The following ACOT1 variants were observed in gnomAD, a reference collection of about 807,000 sequenced individuals.
ACOT1 encodes acyl-coenzyme A thioesterase 1.
In ACOT1, 8 loss-of-function variants were observed where a neutral mutation model predicts 15.7. That is an observed-to-expected ratio of 0.51 (90% confidence interval 0.30 to 0.92). The LOEUF is 0.92. Ranked by LOEUF, ACOT1 falls within the 40% of genes least tolerant of loss-of-function variation. The probability of loss-of-function intolerance (pLI) is 0.06; values close to 1 mark genes in which losing one functional copy is unlikely to be tolerated. For missense variants in ACOT1, 151 were observed against 539.4 expected (o/e 0.28, Z 7.13); for synonymous variants, 67 against 241.2 (o/e 0.28, Z 6.69).
Position 73,543,267 on chromosome 14 carries a change from T to G in ACOT1, c.878T>G (p.Val293Gly), listed in dbSNP as rs1235780006. 1 of 1,590,354 alleles carries G rather than the reference T, an allele frequency of 6.3e-7. No individual in the cohort carries two copies. The highest frequency in any genetic ancestry group is 8.6e-7 in the Non-Finnish European group (1 of 1,167,524). Reference sequence around the variant, plus strand: ...ACCAAAGATGGCTATGCAGACATTGTGGATGTCCTGAACAGCCCTTTGGAA... The same window carrying G: ...ACCAAAGATGGCTATGCAGACATTGGGGATGTCCTGAACAGCCCTTTGGAA... ...KVTKDGYADI[V>G]DVLNSPLEGP... The change falls in exon 3 of 3, where the codon GTG becomes GGG. Residue 293 changes from valine (V) to glycine (G), a missense_variant. By Grantham distance (109) the Val-to-Gly change is moderately radical. Coordinates refer to ENST00000311148, the MANE Select transcript of ACOT1 (RefSeq NM_001037161.2).
At chr14:73,511,509 ACT>A in the ACOT1 span, among the ~76,000 whole-genome samples, 2 of 150,214 alleles carry the variant, frequency 1.3e-5, no homozygotes. Flanking sequence ...ACAGAGCAAG[ACT>A]CTGTCTCAAA....
intron 2 of ACOT1, among the ~76,000 whole-genome samples, chr14:73,542,798 TA>T (rs1347037248): frequency 3.6e-5 from 4 of 111,850 alleles, no homozygotes; most frequent in African/African-American, 9.1e-5. Context: ...TCATGGGAGA[TA>T]ATGAGATTAA....
At chr14:73,519,135 A>G in the ACOT1 span, 1 of 1,613,666 alleles carries the variant, frequency 6.2e-7, no homozygotes, top group African/African-American at 1.3e-5. Context: ...CTCTCTTTGC[A>G]CCAATCTGGT....
At chr14:73,497,213 G>C in the ACOT1 span, among the ~76,000 whole-genome samples, 3 of 151,496 alleles carry the variant, frequency 2.0e-5, no homozygotes, top group African/African-American at 7.3e-5. Context: ...TCTAATTTTT[G>C]TATTTTTAGT....
chr14:73,535,243 TA>T (rs1182597145), upstream of ACOT1, among the ~76,000 whole-genome samples: 17 of 114,234 alleles, frequency 1.5e-4, 4 homozygotes, highest in African/African-American at 4.3e-4. Flanking sequence ...AACAAATTCC[TA>T]GACGTGGAAC....
the ACOT1 span, among the ~76,000 whole-genome samples, chr14:73,523,376 C>T: frequency 6.6e-6 from 1 of 152,172 alleles, no homozygotes; most frequent in African/African-American, 2.4e-5. Context: ...GAAAATGGTG[C>T]AACATCCTAA....
the ACOT1 span, among the ~76,000 whole-genome samples, chr14:73,495,008 A>G: frequency 6.8e-6 from 1 of 146,348 alleles, no homozygotes; most frequent in Non-Finnish European, 1.5e-5. Context: ...AAATAGAGAT[A>G]ACTTTTTTTT....
the ACOT1 span, among the ~76,000 whole-genome samples, chr14:73,513,728 CAAAAAAAAAAAAA>C: frequency 0.024 from 1,128 of 46,826 alleles, 34 homozygotes; most frequent in African/African-American, 0.079. Context: ...ACTACGTCTC[CAAAAAAAAAAAAA>C]AAAAAAAAAA....
At chr14:73,493,327 A>G in the ACOT1 span, 1 of 544,842 alleles carries the variant, frequency 1.8e-6, no homozygotes, top group East Asian at 3.0e-5. Flanking sequence ...GGTCGGGGTC[A>G]GTATCCTGTT....
At chr14:73,492,288 A>G in the ACOT1 span, 3 of 1,614,032 alleles carry the variant, frequency 1.9e-6, no homozygotes, top group Non-Finnish European at 2.5e-6. The surrounding 1 kb of genome is among the most constrained non-coding windows in gnomAD (Gnocchi z 4.9). Context: ...TCCACGTACC[A>G]GCGCAATACC....
At position 73,543,056 on chromosome 14, in the gene ACOT1, G is replaced by A. The variant is rs1306292728; in HGVS notation, c.667G>A (p.Gly223Ser). The change falls in exon 3 of 3, where the codon GGT (glycine) becomes AGT (serine). Residue 223 changes from glycine to serine, a missense_variant. By Grantham distance (56) the Gly-to-Ser change is moderately conservative. Transcript: ENST00000311148. ...TCCTTTGTCCCTTTCTCAGGTAAAA[G>A]GTCCAGGAGTTGGGCTGCTTGGAAT... ...NYLLSHPEVK[G>S]PGVGLLGISK... The A allele has an allele frequency of 6.8e-7, 1 of 1,475,700 alleles. No homozygotes were observed. The highest frequency in any genetic ancestry group is 9.3e-7 in the Non-Finnish European group (1 of 1,079,120). The allele number at this position is 1,475,700 out of a possible 1,614,324, so 91.4% of individuals were successfully genotyped here.
At chr14:73,519,045 A>C in the ACOT1 span, 1 of 1,613,380 alleles carries the variant, frequency 6.2e-7, no homozygotes, top group Admixed American at 1.7e-5. Context: ...TTGCCTGGGC[A>C]CTCCACTTTT....
chr14:73,536,502 A>G (rs1404969236), upstream of ACOT1, among the ~76,000 whole-genome samples: 1 of 86,008 alleles, frequency 1.2e-5, no homozygotes, highest in African/African-American at 3.9e-5. Flanking sequence ...CAACGTAGTG[A>G]GACCCTGTCT....
chr14:73,509,262 G>A, the ACOT1 span: 5 of 1,545,690 alleles, frequency 3.2e-6, no homozygotes, highest in Non-Finnish European at 4.5e-6. Context: ...AGCTGATAGT[G>A]AGATGTCTAT....
chr14:73,513,106 C>G, the ACOT1 span, among the ~76,000 whole-genome samples: 9 of 152,182 alleles, frequency 5.9e-5, no homozygotes, highest in African/African-American at 2.2e-4. Flanking sequence ...AATGGTTGGA[C>G]AGCATATTTT....
At chr14:73,493,900 G>A in the ACOT1 span, among the ~76,000 whole-genome samples, 1 of 152,170 alleles carries the variant, frequency 6.6e-6, no homozygotes, top group Non-Finnish European at 1.5e-5. Context: ...TAACTTTGGG[G>A]ATAATTTATG....
chr14:73,494,386 G>C, the ACOT1 span, among the ~76,000 whole-genome samples: 1 of 152,084 alleles, frequency 6.6e-6, no homozygotes, highest in Non-Finnish European at 1.5e-5. Flanking sequence ...GGTTGCGTCT[G>C]GGACTCTTAA....
At chr14:73,509,252 A>C in the ACOT1 span, 49 of 1,509,760 alleles carry the variant, frequency 3.2e-5, no homozygotes, top group African/African-American at 5.9e-4. Flanking sequence ...GGACTGGGAA[A>C]GCTGATAGTG....
the ACOT1 span, chr14:73,521,038 A>T: frequency 2.9e-5 from 47 of 1,613,048 alleles, no homozygotes; most frequent in African/African-American, 5.2e-4. Context: ...TAACTGGGCA[A>T]TCTTGGCAGG....
Sources: allele counts gnomAD v4.1 joint callset (sites outside exome capture counted in the v4.1 genomes callset), GRCh38; gene constraint gnomAD v4.1.1; non-coding constraint Gnocchi (gnomAD v3.1); transcripts MANE v1.5; gene names NCBI Gene and HGNC (gene_info 2026-07-23, HGNC 2026-07-21).